DIP2B: variants seen among roughly 807,000 people sequenced by gnomAD.
The protein encoded by DIP2B is disco-interacting protein 2 homolog B.
Under a neutral mutation model 198.0 loss-of-function variants are expected in DIP2B, and 76 were observed. The ratio of observed to expected loss-of-function variants is 0.38; its 90% confidence interval spans 0.32 to 0.46. The LOEUF is 0.46. Among genes scored for constraint, DIP2B ranks in the 20% least tolerant of loss-of-function variants. The pLI is 0.99. For missense variants in DIP2B, 1,559 were observed against 1,978.4 expected, an observed-to-expected ratio of 0.79 and a Z score of 4.02; for synonymous variants, 701 against 739.1, an observed-to-expected ratio of 0.95 and a Z score of 0.84.
At chr12:50,669,255 C>T (rs914118336) in intron 4 of DIP2B, among the ~76,000 whole-genome samples, 1 of 152,188 alleles carries the variant, frequency 6.6e-6, no homozygotes, top group African/African-American at 2.4e-5. Context: ...AGCACTCATA[C>T]ACTTCACAAC....
chr12:50,534,030 T>G (rs1237097737), intron 1 of DIP2B, among the ~76,000 whole-genome samples: 2 of 152,218 alleles, frequency 1.3e-5, no homozygotes, highest in East Asian at 3.8e-4. Context: ...TCATCAATAC[T>G]TAGAATTCAT....
chr12:50,738,194 G>T (rs917380730), intron 35 of DIP2B, among the ~76,000 whole-genome samples: 2 of 152,038 alleles, frequency 1.3e-5, no homozygotes, highest in African/African-American at 4.8e-5. Flanking sequence ...ACAAAAATTA[G>T]CTGGACATGG....
chr12:50,620,529 A>G (rs1475816569), intron 1 of DIP2B, among the ~76,000 whole-genome samples: 2 of 152,168 alleles, frequency 1.3e-5, no homozygotes, highest in African/African-American at 4.8e-5. Flanking sequence ...CAGTGTCTTC[A>G]TACAAGGCTC....
intron 1 of DIP2B, among the ~76,000 whole-genome samples, chr12:50,621,356 T>C (rs995374859): frequency 6.6e-6 from 1 of 152,266 alleles, no homozygotes; most frequent in Non-Finnish European, 1.5e-5. Context: ...AAGATCTAGC[T>C]GTCAAGTTTC....
intron 1 of DIP2B, among the ~76,000 whole-genome samples, chr12:50,589,186 A>AAAAAT (rs1168210168): frequency 1.1e-4 from 17 of 151,978 alleles, no homozygotes; most frequent in Middle Eastern, 6.8e-3. Context: ...TCTGTCTCAA[A>AAAAAT]AAAATAAAAT....
chr12:50,528,414 A>G (rs926938942), intron 1 of DIP2B, among the ~76,000 whole-genome samples: 1 of 151,846 alleles, frequency 6.6e-6, no homozygotes, highest in African/African-American at 2.4e-5. Flanking sequence ...CAGCCTGGGC[A>G]ACATAATGAG....
At chr12:50,706,342 G>A (rs1384134227) in intron 20 of DIP2B, among the ~76,000 whole-genome samples, 196 bp from the exon 21 acceptor site, 2 of 152,126 alleles carry the variant, frequency 1.3e-5, no homozygotes, top group African/African-American at 4.8e-5. Flanking sequence ...GACTTCATTG[G>A]CTGTAAGATG....
chr12:50,626,725 C>T (rs1023499507), intron 2 of DIP2B, among the ~76,000 whole-genome samples: 7 of 150,718 alleles, frequency 4.6e-5, no homozygotes, highest in African/African-American at 1.7e-4. Flanking sequence ...TTTCTACCCC[C>T]TTCAACCAAA....
intron 3 of DIP2B, among the ~76,000 whole-genome samples, chr12:50,648,554 G>A (rs545970570): frequency 4.0e-5 from 6 of 151,834 alleles, no homozygotes; most frequent in African/African-American, 9.7e-5. Context: ...TAGTAGAGAC[G>A]GGTTTTCACT....
Position 50,668,676 on chromosome 12 carries a change from T to C in DIP2B, c.428-2510T>C, listed in dbSNP as rs768494695. 3.4e-4 allele frequency among the ~76,000 whole-genome samples: 51 copies of C among 152,190 alleles called. 1 individual carries two copies. Among genetic ancestry groups the C allele is most frequent in the Non-Finnish European group, 1.5e-5 (1 of 68,026 alleles). On this transcript the variant is annotated intron_variant, in intron 4 of 37. Transcript: ENST00000301180. ...ACATATAAATGATACAATAAAATGA[T>C]ACAATAAAAGCAGCCCACAAATCCA...
At chr12:50,515,318 C>G (rs1001654154) in intron 1 of DIP2B, among the ~76,000 whole-genome samples, 4 of 151,874 alleles carry the variant, frequency 2.6e-5, no homozygotes, top group Non-Finnish European at 4.4e-5. Flanking sequence ...CACTGCAACC[C>G]CCTCTCCCGG....
chr12:50,573,521 A>T (rs1460174434), intron 1 of DIP2B, among the ~76,000 whole-genome samples: 1 of 152,174 alleles, frequency 6.6e-6, no homozygotes, highest in Non-Finnish European at 1.5e-5. Flanking sequence ...TGTGCAATAG[A>T]TGTTGGAAAC....
chr12:50,678,753 G>A lies in DIP2B; in HGVS notation c.991G>A (p.Val331Ile). 6.2e-7 allele frequency: 1 copy of A among 1,614,228 alleles called. No individual in the cohort carries two copies. Among genetic ancestry groups the A allele is most frequent in the South Asian group, 1.1e-5 (1 of 91,080 alleles). Residue 331 changes from valine (V) to isoleucine (I), a missense_variant, in exon 8 of 38, where the codon GTC becomes ATC. Val to Ile is a conservative substitution (Grantham distance 29). Transcript: ENST00000301180. ...CCCTGTGAAAGGAGAGCCTTTAGGA[G>A]TCATCTGTAACTGGCCTCCTGCTCT... is the stretch of plus-strand genomic sequence containing the variant. ...MTPVKGEPLG[V>I]ICNWPPALES...
rs139099327 is a variant in DIP2B, at chr12:50,714,528, C to T, written c.2783C>T (p.Pro928Leu). Residue 928 changes from proline to leucine, a missense_variant, in exon 23 of 38, where the codon CCT becomes CTT. Coordinates refer to ENST00000301180, the MANE Select transcript of DIP2B (RefSeq NM_173602.3). ...KQLFLEGSLHPCNILMCPHTC... is the reference protein window; with the variant it reads ...KQLFLEGSLHLCNILMCPHTC... ...CTCTTTCTGGAGGGATCACTGCATC[C>T]TTGCAACATCCTCATGTGCCCCCAT... is the stretch of plus-strand genomic sequence containing the variant. The T allele has an allele frequency of 6.2e-7, 1 of 1,614,040 alleles. No homozygotes were observed. Among genetic ancestry groups the T allele is most frequent in the African/African-American group, 1.3e-5 (1 of 74,920 alleles).
chr12:50,713,821 C>T (rs1330128111), intron 22 of DIP2B, among the ~76,000 whole-genome samples: 1 of 152,094 alleles, frequency 6.6e-6, no homozygotes, highest in Non-Finnish European at 1.5e-5. Context: ...GTAATCTCAG[C>T]ACTTTGGGAG....
At chr12:50,637,111 T>C (rs1023520598) in intron 2 of DIP2B, among the ~76,000 whole-genome samples, 6 of 152,122 alleles carry the variant, frequency 3.9e-5, no homozygotes, top group African/African-American at 1.4e-4. Context: ...CCTATAATGA[T>C]TCAAGGTGAT....
intron 26 of DIP2B, among the ~76,000 whole-genome samples, chr12:50,722,590 G>A (rs1276430326): frequency 6.6e-6 from 1 of 152,106 alleles, no homozygotes; most frequent in Non-Finnish European, 1.5e-5. Flanking sequence ...TATTTACCTA[G>A]ATACTGAGAT....
intron 37 of DIP2B, 92 bp from the exon 38 acceptor site, chr12:50,744,495 A>G: frequency 1.3e-5 from 20 of 1,545,502 alleles, no homozygotes; most frequent in Non-Finnish European, 1.7e-5. Context: ...TGAGGGGAGA[A>G]GGCGGGGAAA....
At chr12:50,699,237 T>C in intron 19 of DIP2B, 35 bp downstream of exon 19, 1 of 1,612,758 alleles carries the variant, frequency 6.2e-7, no homozygotes, top group Non-Finnish European at 8.5e-7. Context: ...GGAAAATGTT[T>C]GGGGATTTCA....
Sources: gnomAD v4.1 joint callset for allele counts (sites outside exome capture counted in the v4.1 genomes callset) on GRCh38, gnomAD v4.1.1 for gene constraint, MANE v1.5 for transcripts, NCBI Gene and HGNC (gene_info 2026-07-23, HGNC 2026-07-21) for gene names.